CASD1: variants seen among roughly 807,000 people sequenced by gnomAD.
The protein encoded by CASD1 is CAS1 domain sialic acid O acetyltransferase 1, also known as N-acetylneuraminate (7)9-O-acetyltransferase.
CASD1 carries 41 observed loss-of-function variants against 100.0 expected under a neutral mutation model. The ratio of observed to expected loss-of-function variants is 0.41; its 90% CI spans 0.32 to 0.53. The LOEUF is 0.53. CASD1 is among the 20% of genes least tolerant of loss of function. The pLI, the probability that CASD1 is intolerant of heterozygous loss-of-function variation, is 0.25. For missense variants in CASD1, 774 were observed against 948.7 expected (o/e 0.82, Z 2.42); for synonymous variants, 321 against 315.6 (o/e 1.02, Z -0.18).
At chr7:94,538,775 T>C in intron 9 of CASD1, among the ~76,000 whole-genome samples, 192 bp from the exon 10 acceptor site, 1 of 152,208 alleles carries the variant, frequency 6.6e-6, no homozygotes, top group East Asian at 1.9e-4. Flanking sequence ...TCATATTATA[T>C]TTAAAACAGT....
downstream of CASD1, among the ~76,000 whole-genome samples, chr7:94,557,579 A>G (rs1250810442): frequency 2.0e-5 from 3 of 152,118 alleles, no homozygotes; most frequent in Admixed American, 2.0e-4. Flanking sequence ...ATTGAAAAAG[A>G]AAGATGACCA....
At chr7:94,550,888 A>T (rs1795914355) in intron 14 of CASD1, among the ~76,000 whole-genome samples, 1 of 152,084 alleles carries the variant, frequency 6.6e-6, no homozygotes, top group African/African-American at 2.4e-5. Context: ...CCGGTCTACC[A>T]TATTTTTTTC....
At chr7:94,544,598 GA>G (rs1385371572) in intron 11 of CASD1, 68 bp downstream of exon 11, 7 of 1,500,534 alleles carry the variant, frequency 4.7e-6, no homozygotes, top group Non-Finnish European at 5.4e-6. Context: ...ATTAACTTGA[GA>G]AAAAAATATA....
chr7:94,522,665 T>TA (rs551623325), intron 3 of CASD1, among the ~76,000 whole-genome samples: 757 of 39,834 alleles, frequency 0.019, 1 homozygote, highest in East Asian at 0.024. Flanking sequence ...TTTATTTATT[T>TA]TTTTTTTTTG....
intron 9 of CASD1, 55 bp downstream of exon 9, chr7:94,537,949 C>T: frequency 1.0e-6 from 1 of 970,030 alleles, no homozygotes. Flanking sequence ...ATTACATACT[C>T]TGTGTTAAAG....
At chr7:94,530,320 T>A (rs1794787009) in intron 5 of CASD1, among the ~76,000 whole-genome samples, 1 of 152,122 alleles carries the variant, frequency 6.6e-6, no homozygotes, top group South Asian at 2.1e-4. Flanking sequence ...TCCAGCAGTT[T>A]TAGTGGAGCT....
chr7:94,577,751 G>A, the CASD1 span, among the ~76,000 whole-genome samples: 1 of 152,184 alleles, frequency 6.6e-6, no homozygotes, highest in Non-Finnish European at 1.5e-5. Flanking sequence ...CAGCTGGAAA[G>A]TTTATAAATT....
the CASD1 span, among the ~76,000 whole-genome samples, chr7:94,622,857 G>C: frequency 6.6e-6 from 1 of 152,050 alleles, no homozygotes; most frequent in African/African-American, 2.4e-5. Context: ...CTAAGTTATG[G>C]TTTATTTGTT....
At chr7:94,520,389 G>A (rs188775785) in intron 3 of CASD1, among the ~76,000 whole-genome samples, 29 of 152,248 alleles carry the variant, frequency 1.9e-4, no homozygotes, top group Admixed American at 3.3e-4. Context: ...TTTGTGTATT[G>A]AGTCAAATTT....
At chr7:94,603,426 A>G in the CASD1 span, 1 of 1,613,414 alleles carries the variant, frequency 6.2e-7, no homozygotes, top group Non-Finnish European at 8.5e-7. Context: ...AGAAAACGGG[A>G]CATCTGCACC....
At chr7:94,583,065 A>G in the CASD1 span, among the ~76,000 whole-genome samples, 1 of 152,216 alleles carries the variant, frequency 6.6e-6, no homozygotes, top group African/African-American at 2.4e-5. Context: ...ATCTTGGACC[A>G]TTGATCCCAA....
chr7:94,517,839 A>G (rs898319148), intron 2 of CASD1, among the ~76,000 whole-genome samples, 183 bp downstream of exon 2: 1 of 152,228 alleles, frequency 6.6e-6, no homozygotes, highest in East Asian at 1.9e-4. Flanking sequence ...GCTTTGGCCA[A>G]TCTGCTTTAT....
chr7:94,513,753 A>G (rs1281092663), intron 1 of CASD1, among the ~76,000 whole-genome samples: 1 of 152,222 alleles, frequency 6.6e-6, no homozygotes, highest in African/African-American at 2.4e-5. Flanking sequence ...ACAATAGGAA[A>G]TCCTTAAATA....
chr7:94,545,765 G>A, intron 12 of CASD1, 64 bp downstream of exon 12: 1 of 981,032 alleles, frequency 1.0e-6, no homozygotes, highest in Non-Finnish European at 1.5e-6. Flanking sequence ...TTTCTTTGTA[G>A]TTGCTAAATG....
intron 3 of CASD1, among the ~76,000 whole-genome samples, chr7:94,526,654 A>G (rs1174240889): frequency 6.6e-6 from 1 of 152,136 alleles, no homozygotes; most frequent in Non-Finnish European, 1.5e-5. Flanking sequence ...TTAGCCAGGC[A>G]TGGTGGCGTG....
chr7:94,621,204 T>C, the CASD1 span: 2 of 152,198 alleles, frequency 1.3e-5, no homozygotes, highest in African/African-American at 4.8e-5. Flanking sequence ...TGCTCAAACA[T>C]GTACATCCTA....
intron 10 of CASD1, among the ~76,000 whole-genome samples, chr7:94,543,603 C>G (rs775664639): frequency 6.6e-6 from 1 of 151,272 alleles, no homozygotes; most frequent in Non-Finnish European, 1.5e-5. Flanking sequence ...TGCAGTGAGC[C>G]GAGATCACGC....
chr7:94,540,132 CAGTT>C (rs1795324645), intron 10 of CASD1, among the ~76,000 whole-genome samples: 1 of 152,170 alleles, frequency 6.6e-6, no homozygotes. Context: ...AGCTACATTA[CAGTT>C]ACAACAAACT....
rs536003606 is a variant in CASD1, at chr7:94,519,582, A to G, written c.351+1259A>G. On this transcript the variant is annotated intron_variant, in intron 3 of 17. Transcript: ENST00000297273. ...GTATTTTCCATTTGCATTTATACAT[A>G]TGAAATTGTAGAGAAGACTCAGAAC... Among the ~76,000 whole-genome samples, 27 of 152,358 alleles carry G rather than the reference A, an allele frequency of 1.8e-4. No individual in the cohort carries two copies. In the South Asian group the frequency reaches 5.4e-3, roughly 30 times the overall value.
Sources: gnomAD v4.1 joint callset for allele counts (sites outside exome capture counted in the v4.1 genomes callset) on GRCh38, gnomAD v4.1.1 for gene constraint, MANE v1.5 for transcripts, NCBI Gene and HGNC (gene_info 2026-07-23, HGNC 2026-07-21) for gene names.